USP24: variants seen among roughly 807,000 people sequenced by gnomAD.
USP24 encodes the protein ubiquitin specific peptidase 24.
USP24 carries 97 observed loss-of-function variants against 361.6 expected under a neutral mutation model. That is an observed-to-expected ratio of 0.27 (90% CI 0.23 to 0.32). The LOEUF (loss-of-function observed/expected upper bound fraction) is 0.32. Ranked by LOEUF, USP24 falls within the 10% of genes least tolerant of loss-of-function variation. The pLI, the probability that USP24 is intolerant of heterozygous loss-of-function variation, is 1.00. For synonymous variants in USP24, 1,098 were observed against 1,124.6 expected, an observed-to-expected ratio of 0.98 and a Z score of 0.47; for missense variants, 2,353 against 3,165.6, an observed-to-expected ratio of 0.74 and a Z score of 6.16.
intron 32 of USP24, among the ~76,000 whole-genome samples, chr1:55,128,543 T>C (rs1351585127): frequency 2.6e-5 from 4 of 152,044 alleles, no homozygotes; most frequent in African/African-American, 9.7e-5. Context: ...TCCCTCCTTA[T>C]TTACCTAGAG....
chr1:55,086,896 C>T (rs679804), intron 55 of USP24, among the ~76,000 whole-genome samples: 131,202 of 152,174 alleles, frequency 0.86, 56,642 homozygotes, highest in East Asian at 1. Context: ...CCTACTTCTG[C>T]GTGTGTTTAA....
chr1:55,146,688 T>C (rs944290042), intron 19 of USP24, among the ~76,000 whole-genome samples: 4 of 152,186 alleles, frequency 2.6e-5, no homozygotes, highest in Admixed American at 6.5e-5. Flanking sequence ...GAATTCTTTA[T>C]ACTCATTTGG....
At chr1:55,191,787 G>A (rs967784905) in intron 1 of USP24, among the ~76,000 whole-genome samples, 16 of 152,096 alleles carry the variant, frequency 1.1e-4, no homozygotes. Flanking sequence ...ACCCTGCCTG[G>A]CCTGGCACTT....
chr1:55,168,175 G>C (rs1302751578), intron 5 of USP24, among the ~76,000 whole-genome samples: 1 of 152,108 alleles, frequency 6.6e-6, no homozygotes, highest in African/African-American at 2.4e-5. Context: ...TCCAAGAAGG[G>C]AGCAACTGGG....
chr1:55,159,013 G>A lies in USP24; in HGVS notation c.1092C>T (p.Leu364=). 1 of 1,556,996 alleles carries A rather than the reference G, an allele frequency of 6.4e-7. No individual in the cohort carries two copies. Among genetic ancestry groups the A allele is most frequent in the Non-Finnish European group, 8.7e-7 (1 of 1,150,988 alleles). The change falls in exon 10 of 68, where the codon CTC becomes CTT. Residue 364 remains leucine (L), a synonymous_variant. Coordinates refer to ENST00000294383, the MANE Select transcript of USP24 (RefSeq NM_015306.3). ...KDKRLVSIPE[L]LSAVKLLCMR... ...TGCAAAGTAACTTAACGGCAGACAA[G>A]AGCTCAGGGATGCTAACCAATCTCT...
chr1:55,120,858 A>T, intron 37 of USP24, 102 bp from the exon 38 acceptor site: 7 of 1,349,878 alleles, frequency 5.2e-6, no homozygotes, highest in Non-Finnish European at 5.9e-6. Context: ...TAGTCAATCA[A>T]GTTATTGAAG....
chr1:55,123,510 G>C lies in USP24; in HGVS notation c.4213C>G (p.Leu1405Val), dbSNP rs1646341469. ...RQQSVSTKDSLIAGEALSLLV... is the reference protein window; with the variant it reads ...RQQSVSTKDSVIAGEALSLLV... The stretch of plus-strand genomic sequence containing the variant: ...AGAGACAAAGCCTCTCCCGCAATCA[G>C]CGAGTCTTTGGTGGATACAGACTGT... The change falls in exon 36 of 68, where the codon CTG (leucine) becomes GTG (valine). Residue 1405 changes from leucine (L) to valine (V), a missense_variant. By Grantham distance (32) the Leu-to-Val change is conservative. Transcript: ENST00000294383. 1 of 1,604,302 alleles carries C rather than the reference G, an allele frequency of 6.2e-7. No individual in the cohort carries two copies. The highest frequency in any genetic ancestry group is 8.5e-7 in the Non-Finnish European group (1 of 1,175,474).
chr1:55,144,889 G>A (rs928650207), intron 20 of USP24, among the ~76,000 whole-genome samples: 1 of 152,128 alleles, frequency 6.6e-6, no homozygotes, highest in Non-Finnish European at 1.5e-5. Flanking sequence ...AGCCAGGATG[G>A]TGCCACTGCA....
intron 1 of USP24, among the ~76,000 whole-genome samples, chr1:55,212,461 A>G (rs1026865432): frequency 6.6e-6 from 1 of 152,126 alleles, no homozygotes; most frequent in African/African-American, 2.4e-5. Flanking sequence ...AGCCTACGTT[A>G]ACTCTCTCAC....
intron 1 of USP24, among the ~76,000 whole-genome samples, chr1:55,205,175 G>T (rs577146437): frequency 6.6e-6 from 1 of 152,266 alleles, no homozygotes; most frequent in South Asian, 2.1e-4. Flanking sequence ...GCCAAAAAAG[G>T]GGCTCTAAAC....
At position 55,095,306 on chromosome 1, in the gene USP24, G is replaced by A. The variant is rs1645472162; in HGVS notation, c.6152C>T (p.Pro2051Leu). Reference protein sequence around the residue: ...RVSDQNSPVLPKKSRVSVVRQ... With the variant: ...RVSDQNSPVLLKKSRVSVVRQ... Reference sequence around the variant, plus strand: ...TACAACGCTGACTCGACTTTTCTTTGGTAATACTGGGGAGTTCTGATCAGA... The same window carrying A: ...TACAACGCTGACTCGACTTTTCTTTAGTAATACTGGGGAGTTCTGATCAGA... The change falls in exon 51 of 68, where the codon CCA becomes CTA. Residue 2051 changes from proline (P) to leucine (L), a missense_variant. Physicochemically the swap from Pro to Leu is moderately conservative, Grantham distance 98. This residue lies in a region of USP24 where 598 missense variants were observed against 761.9 expected (regional missense o/e 0.78). Coordinates refer to ENST00000294383, the MANE Select transcript of USP24 (RefSeq NM_015306.3). The A allele has an allele frequency of 1.2e-6, 2 of 1,613,590 alleles. No individual in the cohort carries two copies. The highest frequency in any genetic ancestry group is 4.5e-5 in the East Asian group (2 of 44,864).
chr1:55,181,253 C>T (rs956019088), intron 1 of USP24, among the ~76,000 whole-genome samples: 3 of 151,980 alleles, frequency 2.0e-5, no homozygotes, highest in Non-Finnish European at 4.4e-5. Flanking sequence ...ACACATTTCT[C>T]CCCCCACCCC....
chr1:55,145,366 G>A (rs563489089), intron 20 of USP24, among the ~76,000 whole-genome samples: 2 of 152,164 alleles, frequency 1.3e-5, no homozygotes, highest in African/African-American at 2.4e-5. Flanking sequence ...CAACCTGGGC[G>A]AACCCTGAAA....
chr1:55,150,243 C>T (rs954349562), intron 16 of USP24, among the ~76,000 whole-genome samples: 5 of 152,178 alleles, frequency 3.3e-5, no homozygotes, highest in African/African-American at 1.2e-4. Flanking sequence ...AAGCAGTGTG[C>T]TCCCATGAAG....
At chr1:55,180,711 A>C (rs935401119) in intron 1 of USP24, among the ~76,000 whole-genome samples, 1 of 152,152 alleles carries the variant, frequency 6.6e-6, no homozygotes, top group African/African-American at 2.4e-5. Flanking sequence ...TAAAATAGAC[A>C]AATTCCTTCA....
At chr1:55,150,036 T>A (rs748334183) in intron 16 of USP24, among the ~76,000 whole-genome samples, 28 of 152,174 alleles carry the variant, frequency 1.8e-4, no homozygotes, top group Non-Finnish European at 3.7e-4. Context: ...TAAATGTCTC[T>A]CTGTCCTAAG....
chr1:55,213,803 A>G (rs1644909039), intron 1 of USP24, among the ~76,000 whole-genome samples: 1 of 151,892 alleles, frequency 6.6e-6, no homozygotes. Context: ...TCACACCCCA[A>G]ACTAAACAGG....
chr1:55,212,497 C>A (rs554102655), intron 1 of USP24, among the ~76,000 whole-genome samples: 2 of 152,282 alleles, frequency 1.3e-5, no homozygotes, highest in South Asian at 4.1e-4. Flanking sequence ...CTGTATAACG[C>A]ACCTAAGACA....
At chr1:55,081,126 G>A (rs1645140923) in intron 59 of USP24, among the ~76,000 whole-genome samples, 196 bp downstream of exon 59, 1 of 152,040 alleles carries the variant, frequency 6.6e-6, no homozygotes, top group African/African-American at 2.4e-5. Context: ...CCAAATGAAT[G>A]ATGACTCACT....
Sources: gnomAD v4.1 joint callset for allele counts (sites outside exome capture counted in the v4.1 genomes callset) on GRCh38, gnomAD v4.1.1 for gene constraint, gnomAD v4.1.1 regional missense constraint, MANE v1.5 for transcripts, NCBI Gene and HGNC (gene_info 2026-07-23, HGNC 2026-07-21) for gene names.